PDE1C: variants seen among roughly 807,000 people sequenced by gnomAD.
The protein encoded by PDE1C is phosphodiesterase 1C.
Under a neutral mutation model 93.1 loss-of-function variants are expected in PDE1C, and 62 were observed. The ratio of observed to expected loss-of-function variants is 0.67; its 90% CI spans 0.54 to 0.82. The LOEUF (loss-of-function observed/expected upper bound fraction) is 0.82, where lower values mean the gene tolerates loss of function less well. PDE1C is among the 40% of genes least tolerant of loss of function. The probability of loss-of-function intolerance (pLI) is 0.00; values close to 1 mark genes in which losing one functional copy is unlikely to be tolerated. For synonymous variants in PDE1C, 325 were observed against 310.1 expected (o/e 1.05, Z -0.50); for missense variants, 742 against 884.6 (o/e 0.84, Z 2.04).
chr7:32,364,869 G>A (rs911364826), intron 1 of PDE1C, among the ~76,000 whole-genome samples: 7 of 152,198 alleles, frequency 4.6e-5, no homozygotes, highest in African/African-American at 1.7e-4. Flanking sequence ...GGCCCAGGAT[G>A]GGCTGTGACT....
intron 2 of PDE1C, among the ~76,000 whole-genome samples, chr7:31,938,156 T>C (rs538894861): frequency 2.4e-4 from 36 of 151,770 alleles, no homozygotes; most frequent in South Asian, 8.4e-4. Context: ...ATCTAGGGCC[T>C]ACTGTAGGAA....
rs1443501879 is a variant in PDE1C at position 31,969,190 on chromosome 7, C to T, written c.128+82364G>A. On this transcript the variant is annotated intron_variant, in intron 2 of 17. Coordinates refer to ENST00000396191, the MANE Select transcript of PDE1C (RefSeq NM_001191057.4). ...TCTGCACAGCAAAATAAACTACCAT[C>T]AGAGTGAACAGGCAACCTACAGAAT... Among the ~76,000 whole-genome samples, 3 of 152,122 alleles carry T rather than the reference C, an allele frequency of 2.0e-5. No individual in the cohort carries two copies. The East Asian group carries it at 5.8e-4, about 29-fold the overall frequency.
rs150455524 is a variant in PDE1C, at chr7:32,388,334, G to A, written c.310+39488C>T. ...AGAGAGATGAGCAAGTACTGAAACT[G>A]CCATCTTCTCTGGAGTCATCTGTCA... On this transcript the variant is annotated intron_variant, in intron 1 of 1. Coordinates refer to the PDE1C transcript ENST00000672256. 6.3e-3 allele frequency among the ~76,000 whole-genome samples: 964 copies of A among 152,254 alleles called. 16 individuals are homozygous for A. Among genetic ancestry groups the A allele is most frequent in the African/African-American group, 0.022 (919 of 41,540 alleles).
chr7:31,997,984 C>T (rs1784939222), intron 2 of PDE1C, among the ~76,000 whole-genome samples: 1 of 143,048 alleles, frequency 7.0e-6, no homozygotes, highest in African/African-American at 2.5e-5. Context: ...TTAGAAACAT[C>T]TTATTTTTAT....
chr7:32,416,071 C>A (rs183659165), intron 1 of PDE1C, among the ~76,000 whole-genome samples: 1 of 152,332 alleles, frequency 6.6e-6, no homozygotes, highest in East Asian at 1.9e-4. Flanking sequence ...CCCCAGGCAG[C>A]CTTCAGATGT....
chr7:31,693,889 C>A, the PDE1C span, among the ~76,000 whole-genome samples: 10 of 152,200 alleles, frequency 6.6e-5, no homozygotes, highest in Non-Finnish European at 1.3e-4. Flanking sequence ...TTTAAAATTT[C>A]TCCATACTTA....
intron 3 of PDE1C, among the ~76,000 whole-genome samples, chr7:32,146,415 T>C (rs1420377934): frequency 2.0e-5 from 3 of 152,130 alleles, no homozygotes; most frequent in Admixed American, 6.5e-5. Flanking sequence ...TTTTCCAGCT[T>C]CTAGAAGCTG....
chr7:31,966,677 C>A (rs1455535242), intron 2 of PDE1C, among the ~76,000 whole-genome samples: 1 of 152,222 alleles, frequency 6.6e-6, no homozygotes, highest in African/African-American at 2.4e-5. Context: ...CATCACAACA[C>A]ACCTATTCCA....
At chr7:31,956,163 G>T (rs1038256146) in intron 2 of PDE1C, among the ~76,000 whole-genome samples, 2 of 151,836 alleles carry the variant, frequency 1.3e-5, no homozygotes, top group Non-Finnish European at 2.9e-5. Context: ...GTGCGATCTC[G>T]GCTCACTGCA....
intron 16 of PDE1C, chr7:31,786,306 T>C (rs1280294955): frequency 6.6e-6 from 1 of 152,172 alleles, no homozygotes; most frequent in Non-Finnish European, 1.5e-5. Flanking sequence ...TTGTTCTGTT[T>C]TTTTCTTAAA....
At chr7:31,651,483 AAGAC>A in the PDE1C span, among the ~76,000 whole-genome samples, 1 of 152,116 alleles carries the variant, frequency 6.6e-6, no homozygotes, top group Non-Finnish European at 1.5e-5. Flanking sequence ...AGAAGGTCAA[AAGAC>A]AGGCAGTCAG....
intron 11 of PDE1C, among the ~76,000 whole-genome samples, chr7:31,830,228 G>C (rs56323270): frequency 0.011 from 1,655 of 151,452 alleles, 40 homozygotes; most frequent in African/African-American, 0.038. Flanking sequence ...TGATAATGTA[G>C]AGGAATAAAC....
intron 1 of PDE1C, among the ~76,000 whole-genome samples, chr7:32,261,070 A>C (rs1810161983): frequency 6.6e-6 from 1 of 152,126 alleles, no homozygotes; most frequent in Non-Finnish European, 1.5e-5. Context: ...AGATCGCACC[A>C]CTGCTCTCCA....
chr7:31,841,594 A>G (rs1470091052), intron 9 of PDE1C, among the ~76,000 whole-genome samples: 1 of 152,114 alleles, frequency 6.6e-6, no homozygotes, highest in Non-Finnish European at 1.5e-5. Context: ...AATTTTGTCA[A>G]ATGCTTGTTA....
chr7:31,710,364 CCTTT>C, the PDE1C span, among the ~76,000 whole-genome samples: 2 of 152,142 alleles, frequency 1.3e-5, no homozygotes, highest in African/African-American at 2.4e-5. Flanking sequence ...TCACACAAAG[CCTTT>C]CTTTAAATCC....
In PDE1C at chr7:32,125,990, A is replaced by C. The variant is rs900392821; in HGVS notation, c.308+43795T>G. Among the ~76,000 whole-genome samples, 7 of 152,174 alleles carry C rather than the reference A, an allele frequency of 4.6e-5. No homozygotes were observed. The East Asian group carries it at 1.2e-3, about 25-fold the overall frequency. On this transcript the variant is annotated intron_variant, in intron 3 of 18. Coordinates refer to the PDE1C transcript ENST00000396193. ...GTAAACTTAATAGATGCAGAATTGGAACTATTGGGGCAGACACCTGTCCCA... is the reference window on the plus strand; with the variant it reads ...GTAAACTTAATAGATGCAGAATTGGCACTATTGGGGCAGACACCTGTCCCA...
At chr7:32,128,953 A>ATATATAT (rs58057588) in intron 3 of PDE1C, among the ~76,000 whole-genome samples, 2 of 105,012 alleles carry the variant, frequency 1.9e-5, no homozygotes, top group African/African-American at 4.7e-5. Context: ...ATATATATAT[A>ATATATAT]AAGAAAAATC....
chr7:32,406,547 A>G (rs1785056019), intron 1 of PDE1C, among the ~76,000 whole-genome samples: 1 of 152,028 alleles, frequency 6.6e-6, no homozygotes, highest in Non-Finnish European at 1.5e-5. Flanking sequence ...AAAAAAAAAA[A>G]AATTGGAATC....
At chr7:31,643,970 G>A in the PDE1C span, 2 of 1,581,744 alleles carry the variant, frequency 1.3e-6, no homozygotes, top group Non-Finnish European at 1.7e-6. Flanking sequence ...GTTCACCCTG[G>A]CAAAGATGGA....
Sources: gnomAD v4.1 joint callset for allele counts (sites outside exome capture counted in the v4.1 genomes callset) on GRCh38, gnomAD v4.1.1 for gene constraint, MANE v1.5 for transcripts, NCBI Gene and HGNC (gene_info 2026-07-23, HGNC 2026-07-21) for gene names.